The following PRKG1 variants were observed in gnomAD, a reference collection of about 807,000 sequenced individuals.
PRKG1 encodes the protein protein kinase cGMP-dependent 1, also known as cGMP-dependent protein kinase 1.
Under a neutral mutation model 88.1 loss-of-function variants are expected in PRKG1, and 35 were observed. The observed-to-expected ratio is 0.40, with a 90% CI of 0.30 to 0.53. The LOEUF is 0.53. Among genes scored for constraint, PRKG1 ranks in the 20% least tolerant of loss-of-function variants. The probability of loss-of-function intolerance (pLI) is 0.59; values close to 1 mark genes in which losing one functional copy is unlikely to be tolerated. For missense variants in PRKG1, 540 were observed against 839.8 expected (o/e 0.64, Z 4.41); for synonymous variants, 303 against 292.5 (o/e 1.04, Z -0.37).
At chr10:51,337,515 G>C (rs1027975182) in intron 2 of PRKG1, among the ~76,000 whole-genome samples, 1 of 151,986 alleles carries the variant, frequency 6.6e-6, no homozygotes, top group Non-Finnish European at 1.5e-5. Flanking sequence ...CCAGCAATTT[G>C]ACAAAGATCT....
In PRKG1 at chr10:51,137,127, C is replaced by T. The variant is rs372204264; in HGVS notation, c.312-16037C>T. 8.6e-4 allele frequency among the ~76,000 whole-genome samples: 131 copies of T among 152,160 alleles called. 1 individual carries two copies. Among genetic ancestry groups the T allele is most frequent in the Non-Finnish European group, 1.5e-3 (105 of 68,016 alleles). On this transcript the variant is annotated intron_variant, in intron 1 of 17. Coordinates refer to ENST00000373980, the MANE Select transcript of PRKG1 (RefSeq NM_006258.4). The stretch of plus-strand genomic sequence containing the variant: ...GTCTTGATCTCCTGACCTCCTGATC[C>T]GCCTGCCTCGGCCTCCCAAAGTGCT...
intron 2 of PRKG1, among the ~76,000 whole-genome samples, chr10:51,402,254 T>C (rs1029123057): frequency 3.3e-5 from 5 of 152,224 alleles, no homozygotes; most frequent in Admixed American, 6.5e-5. Context: ...AGTCATAGAT[T>C]ATTAATCAGC....
At chr10:51,131,136 A>G (rs992020517) in intron 1 of PRKG1, among the ~76,000 whole-genome samples, 4 of 152,162 alleles carry the variant, frequency 2.6e-5, no homozygotes, top group Non-Finnish European at 4.4e-5. Flanking sequence ...AAATATTTGT[A>G]TGGCACGTTT....
At chr10:51,814,139 T>C (rs1839526187) in intron 4 of PRKG1, among the ~76,000 whole-genome samples, 1 of 152,212 alleles carries the variant, frequency 6.6e-6, no homozygotes, top group Non-Finnish European at 1.5e-5. Context: ...CAGGTTGTAG[T>C]CTGTAAGTGG....
chr10:51,622,204 A>G (rs1289068639), intron 3 of PRKG1, among the ~76,000 whole-genome samples: 1 of 152,176 alleles, frequency 6.6e-6, no homozygotes, highest in Non-Finnish European at 1.5e-5. Context: ...TATCAGTTTG[A>G]AAAGGAGAAT....
chr10:51,327,413 T>C (rs1289605558), intron 2 of PRKG1, among the ~76,000 whole-genome samples: 2 of 134,492 alleles, frequency 1.5e-5, no homozygotes, highest in African/African-American at 2.9e-5. Context: ...TGAGACTCAA[T>C]CTCAAAAAAA....
chr10:52,119,032 C>T (rs1395333853), intron 7 of PRKG1, among the ~76,000 whole-genome samples: 3 of 151,854 alleles, frequency 2.0e-5, no homozygotes, highest in East Asian at 1.9e-4. Context: ...TTAAAGTGAT[C>T]GTGCTTGATT....
intron 1 of PRKG1, among the ~76,000 whole-genome samples, chr10:51,020,905 G>A (rs1843127750): frequency 6.6e-6 from 1 of 152,158 alleles, no homozygotes. Flanking sequence ...ATGTTATTAA[G>A]ATGCATTCTA....
chr10:51,768,999 T>G (rs12253124), intron 3 of PRKG1, among the ~76,000 whole-genome samples: 1 of 152,154 alleles, frequency 6.6e-6, no homozygotes, highest in Non-Finnish European at 1.5e-5. Context: ...GATAAAAACC[T>G]AGGACAAAGG....
chr10:51,153,021 C>G, intron 1 of PRKG1, 143 bp from the exon 2 acceptor site: 2 of 228,806 alleles, frequency 8.7e-6, no homozygotes, highest in Non-Finnish European at 1.4e-5. Context: ...ATACTTTGTT[C>G]TCCAGTCTTC....
At chr10:51,071,765 T>C (rs1445558808), upstream of PRKG1, among the ~76,000 whole-genome samples, 2 of 152,244 alleles carry the variant, frequency 1.3e-5, no homozygotes, top group Admixed American at 1.3e-4. Context: ...CCTTTGTACA[T>C]GTAGACAGAC....
intron 3 of PRKG1, among the ~76,000 whole-genome samples, chr10:51,742,844 G>T (rs1403396119): frequency 6.6e-6 from 1 of 152,116 alleles, no homozygotes; most frequent in Non-Finnish European, 1.5e-5. Context: ...AGGAATCTGG[G>T]ATTGGCCTAG....
chr10:51,326,312 T>A (rs576484898), intron 2 of PRKG1, among the ~76,000 whole-genome samples: 16 of 152,342 alleles, frequency 1.1e-4, no homozygotes, highest in African/African-American at 3.8e-4. Flanking sequence ...CTTGCAAATT[T>A]TTCAAGTGAC....
chr10:51,686,324 T>G (rs192865763), intron 3 of PRKG1, among the ~76,000 whole-genome samples: 1 of 152,220 alleles, frequency 6.6e-6, no homozygotes, highest in East Asian at 1.9e-4. Context: ...TAGGCCCCAG[T>G]GCCTGTTGTT....
At chr10:51,724,659 G>A (rs1039465350) in intron 3 of PRKG1, among the ~76,000 whole-genome samples, 1 of 152,010 alleles carries the variant, frequency 6.6e-6, no homozygotes, top group Admixed American at 6.6e-5. Flanking sequence ...AAAAGTGTTG[G>A]GATTATAGGC....
chr10:51,420,512 C>A (rs372563976), intron 2 of PRKG1, among the ~76,000 whole-genome samples: 1 of 152,074 alleles, frequency 6.6e-6, no homozygotes, highest in Admixed American at 6.5e-5. Context: ...GCCCAGCCCA[C>A]GTCCCTAAAC....
rs1461747875 is a variant in PRKG1 at position 51,068,141 on chromosome 10, A to C, written c.266+76497A>C. ...CCCTGGAATGATATCCATTTGCTTT[A>C]CTAGCCTACTATTTCATTTGCCTGT... On this transcript the variant is annotated intron_variant, in intron 1 of 17. Transcript: ENST00000401604. Among the ~76,000 whole-genome samples the C allele has an allele frequency of 4.6e-5, 7 of 152,174 alleles. No individual in the cohort carries two copies. In the South Asian group the frequency reaches 6.2e-4, roughly 14 times the overall value.
At chr10:51,204,251 T>A (rs1837986824) in intron 2 of PRKG1, among the ~76,000 whole-genome samples, 1 of 152,158 alleles carries the variant, frequency 6.6e-6, no homozygotes, top group Admixed American at 6.5e-5. Context: ...TGTTGTTGCA[T>A]CTTTTATTTT....
At chr10:51,550,106 A>G (rs1837088647) in intron 3 of PRKG1, among the ~76,000 whole-genome samples, 1 of 152,130 alleles carries the variant, frequency 6.6e-6, no homozygotes, top group Non-Finnish European at 1.5e-5. Context: ...TACCATGATC[A>G]TCTCTAATAC....
Sources: gnomAD v4.1 joint callset for allele counts (sites outside exome capture counted in the v4.1 genomes callset) on GRCh38, gnomAD v4.1.1 for gene constraint, MANE v1.5 for transcripts, NCBI Gene and HGNC (gene_info 2026-07-23, HGNC 2026-07-21) for gene names.